The following FUT9 variants were observed in gnomAD, a reference collection of about 807,000 sequenced individuals.
FUT9 encodes fucosyltransferase 9.
In FUT9, 15 loss-of-function variants were observed where a neutral mutation model predicts 29.7. The ratio of observed to expected loss-of-function variants is 0.51; its 90% CI spans 0.34 to 0.78. The LOEUF (loss-of-function observed/expected upper bound fraction) is 0.78. Ranked by LOEUF, FUT9 falls within the 30% of genes least tolerant of loss-of-function variation. The probability of loss-of-function intolerance (pLI) is 0.01; values close to 1 mark genes in which losing one functional copy is unlikely to be tolerated. For synonymous variants in FUT9, 169 were observed against 153.7 expected, an observed-to-expected ratio of 1.10 and a Z score of -0.74; for missense variants, 319 against 425.4, an observed-to-expected ratio of 0.75 and a Z score of 2.20.
intron 2 of FUT9, among the ~76,000 whole-genome samples, chr6:96,194,429 A>T (rs948025306): frequency 1.3e-5 from 2 of 152,152 alleles, no homozygotes; most frequent in Non-Finnish European, 2.9e-5. Flanking sequence ...AAAAGGGAGC[A>T]CTAGGTGGAC....
intron 2 of FUT9, among the ~76,000 whole-genome samples, chr6:96,180,390 G>A (rs1228167291): frequency 1.3e-5 from 2 of 152,058 alleles, no homozygotes; most frequent in African/African-American, 4.8e-5. Context: ...CAGGCATGCT[G>A]TGTCCAGAGT....
chr6:96,076,994 T>C (rs1771150688), intron 1 of FUT9, among the ~76,000 whole-genome samples: 1 of 152,176 alleles, frequency 6.6e-6, no homozygotes, highest in Non-Finnish European at 1.5e-5. Flanking sequence ...CTCAAAAGCA[T>C]AAAACCATTA....
At chr6:96,102,199 C>T (rs12175617) in intron 1 of FUT9, among the ~76,000 whole-genome samples, 104,027 of 151,746 alleles carry the variant, frequency 0.69, 37,051 homozygotes, top group East Asian at 0.84. Flanking sequence ...AAATTATGTG[C>T]GCTAATGTAA....
chr6:96,152,759 G>A (rs1313921742), intron 2 of FUT9, among the ~76,000 whole-genome samples: 8 of 152,128 alleles, frequency 5.3e-5, no homozygotes, highest in Admixed American at 4.6e-4. Context: ...ATTCTGCCAA[G>A]TACAAATAAT....
chr6:96,183,323 TTA>T (rs1554198566), intron 2 of FUT9, among the ~76,000 whole-genome samples: 1 of 152,084 alleles, frequency 6.6e-6, no homozygotes, highest in Non-Finnish European at 1.5e-5. Context: ...CTGAATTCTT[TTA>T]TCAGTTTTAG....
At chr6:96,066,533 C>G (rs139086472) in intron 1 of FUT9, among the ~76,000 whole-genome samples, 194 of 152,098 alleles carry the variant, frequency 1.3e-3, no homozygotes, top group African/African-American at 4.5e-3. Context: ...TGTCACCACT[C>G]ATAAATTACT....
chr6:96,096,565 C>CT (rs1351081967), intron 1 of FUT9, among the ~76,000 whole-genome samples: 2 of 151,964 alleles, frequency 1.3e-5, no homozygotes, highest in African/African-American at 4.8e-5. Context: ...AGTTTCACTT[C>CT]TTTAAGTCCA....
intron 2 of FUT9, among the ~76,000 whole-genome samples, chr6:96,190,205 T>G (rs1773479946): frequency 6.6e-6 from 1 of 152,162 alleles, no homozygotes; most frequent in South Asian, 2.1e-4. Flanking sequence ...GGTTGAAAAT[T>G]CTTTTCTTTA....
chr6:96,166,292 G>A (rs1773015089), intron 2 of FUT9, among the ~76,000 whole-genome samples: 1 of 152,144 alleles, frequency 6.6e-6, no homozygotes, highest in Non-Finnish European at 1.5e-5. Flanking sequence ...TTAGACCTGA[G>A]AAGCATAGTA....
At chr6:96,117,360 A>T (rs994371611) in intron 2 of FUT9, among the ~76,000 whole-genome samples, 2 of 152,230 alleles carry the variant, frequency 1.3e-5, no homozygotes, top group African/African-American at 4.8e-5. Context: ...AGAGATGTAG[A>T]TATTAATTTG....
intron 1 of FUT9, among the ~76,000 whole-genome samples, chr6:96,062,733 T>A (rs1770898197): frequency 6.6e-6 from 1 of 152,122 alleles, no homozygotes; most frequent in South Asian, 2.1e-4. Context: ...TTGGATATTT[T>A]ACAATGAGTA....
rs1161175341 is a variant in FUT9 at position 96,207,472 on chromosome 6, A to G, written c.*3237A>G. On this transcript the variant is annotated 3_prime_UTR_variant, in exon 3 of 3. Transcript: ENST00000302103. ...CAATAAATAAAACATCAAACTTGTT[A>G]GCATTCGTTCTGGTTTAAATATTTT... is the stretch of plus-strand genomic sequence containing the variant. 1 of 167,084 alleles carries G rather than the reference A, an allele frequency of 6.0e-6. No individual in the cohort carries two copies. Among genetic ancestry groups the G allele is most frequent in the African/African-American group, 2.4e-5 (1 of 41,464 alleles). 10.4% of individuals were successfully genotyped at this position (167,084 alleles called of 1,614,324 possible).
chr6:96,033,577 T>A (rs1341560432), intron 1 of FUT9, among the ~76,000 whole-genome samples: 3 of 151,564 alleles, frequency 2.0e-5, no homozygotes, highest in African/African-American at 4.8e-5. Flanking sequence ...CCAAGGTCAG[T>A]TTCCCTTCAC....
At chr6:96,043,334 G>T (rs983335408) in intron 1 of FUT9, among the ~76,000 whole-genome samples, 4 of 152,200 alleles carry the variant, frequency 2.6e-5, no homozygotes, top group Admixed American at 6.5e-5. Flanking sequence ...ACAGGCGTGA[G>T]CCACCGCGCC....
At chr6:96,190,498 T>G (rs947345412) in intron 2 of FUT9, among the ~76,000 whole-genome samples, 1 of 152,178 alleles carries the variant, frequency 6.6e-6, no homozygotes, top group African/African-American at 2.4e-5. Flanking sequence ...ACCCTGCAGA[T>G]TGTTTTCCAA....
chr6:96,082,568 A>T (rs543342346), intron 1 of FUT9, among the ~76,000 whole-genome samples: 10 of 152,032 alleles, frequency 6.6e-5, no homozygotes, highest in African/African-American at 1.7e-4. Context: ...TTTGTATAGC[A>T]AATTTCTTCA....
chr6:96,076,493 G>A (rs1377165942), intron 1 of FUT9, among the ~76,000 whole-genome samples: 1 of 151,968 alleles, frequency 6.6e-6, no homozygotes, highest in Non-Finnish European at 1.5e-5. Context: ...AAATATTTAG[G>A]CCCATTAAAA....
At chr6:96,185,664 G>C (rs1773392760) in intron 2 of FUT9, among the ~76,000 whole-genome samples, 1 of 152,116 alleles carries the variant, frequency 6.6e-6, no homozygotes. Context: ...AATGAGGAGG[G>C]ATCAGCCTTA....
intron 1 of FUT9, among the ~76,000 whole-genome samples, chr6:96,087,742 T>C (rs899729995): frequency 1.3e-5 from 2 of 152,166 alleles, no homozygotes; most frequent in African/African-American, 4.8e-5. Flanking sequence ...CCCCATAATA[T>C]AGTTTTTAGT....
Sources: gnomAD v4.1 joint callset for allele counts (sites outside exome capture counted in the v4.1 genomes callset) on GRCh38, gnomAD v4.1.1 for gene constraint, MANE v1.5 for transcripts, NCBI Gene and HGNC (gene_info 2026-07-23, HGNC 2026-07-21) for gene names.